Variants in ZNG1F observed in about 807,000 individuals in gnomAD.
ZNG1F encodes Zn regulated GTPase metalloprotein activator 1F, also known as zinc-regulated GTPase metalloprotein activator 1F.
chr9:41,137,184 G>T, the ZNG1F span, among the ~76,000 whole-genome samples: 61 of 147,314 alleles, frequency 4.1e-4, no homozygotes, highest in South Asian at 0.013. Flanking sequence ...TGTCACTATT[G>T]TCATTCAGTT....
At chr9:41,169,773 A>G in the ZNG1F span, among the ~76,000 whole-genome samples, 1 of 148,478 alleles carries the variant, frequency 6.7e-6, no homozygotes, top group Admixed American at 6.8e-5. Flanking sequence ...GAGGTGATGG[A>G]TAATGTTTGA....
the ZNG1F span, among the ~76,000 whole-genome samples, chr9:41,150,550 C>A: frequency 9.0e-6 from 1 of 110,882 alleles, no homozygotes; most frequent in Non-Finnish European, 1.9e-5. Context: ...ACAGCAGTAA[C>A]CTCTGCAGAC....
chr9:41,132,505 T>C, the ZNG1F span: 4 of 1,379,586 alleles, frequency 2.9e-6, no homozygotes, highest in East Asian at 5.2e-5. Flanking sequence ...ATTCCAATTA[T>C]TTGTGAATTA....
At chr9:41,175,197 T>C in the ZNG1F span, among the ~76,000 whole-genome samples, 2 of 148,352 alleles carry the variant, frequency 1.3e-5, no homozygotes, top group African/African-American at 5.1e-5. Flanking sequence ...CAAGCATCAC[T>C]CTGTGTCAAC....
At chr9:41,203,355 C>T in the ZNG1F span, among the ~76,000 whole-genome samples, 1 of 152,108 alleles carries the variant, frequency 6.6e-6, no homozygotes, top group Non-Finnish European at 1.5e-5. Flanking sequence ...AACTTAGCCA[C>T]TCATTTAAGT....
chr9:41,139,547 A>C, the ZNG1F span, among the ~76,000 whole-genome samples: 1 of 149,866 alleles, frequency 6.7e-6, no homozygotes, highest in African/African-American at 2.5e-5. Flanking sequence ...GCCCAAAAAC[A>C]TGAGATATTT....
At chr9:41,199,659 T>A in the ZNG1F span, among the ~76,000 whole-genome samples, 1 of 150,566 alleles carries the variant, frequency 6.6e-6, no homozygotes, top group African/African-American at 2.4e-5. Context: ...GGTGCCCCAG[T>A]AGGGACTCTG....
At chr9:41,157,504 C>A in the ZNG1F span, 24 of 142,670 alleles carry the variant, frequency 1.7e-4, no homozygotes, top group African/African-American at 5.5e-4. Flanking sequence ...ACAGTGATTT[C>A]TCATAATCAA....
At chr9:41,187,581 AT>A in the ZNG1F span, among the ~76,000 whole-genome samples, 9 of 149,712 alleles carry the variant, frequency 6.0e-5, no homozygotes, top group Non-Finnish European at 1.2e-4. Context: ...TCAGATTGAC[AT>A]TTATAAAGAT....
chr9:41,181,109 AAGTT>A, the ZNG1F span, among the ~76,000 whole-genome samples: 20 of 83,408 alleles, frequency 2.4e-4, no homozygotes, highest in African/African-American at 9.4e-4. Flanking sequence ...ATTGTAAAGA[AAGTT>A]AGAAGCAAGA....
At chr9:41,195,580 A>C in the ZNG1F span, among the ~76,000 whole-genome samples, 1 of 144,754 alleles carries the variant, frequency 6.9e-6, no homozygotes, top group Non-Finnish European at 1.5e-5. Flanking sequence ...GTCACTTGTA[A>C]GTCAGCTTGC....
At chr9:41,144,631 A>G in the ZNG1F span, among the ~76,000 whole-genome samples, 8 of 148,420 alleles carry the variant, frequency 5.4e-5, no homozygotes, top group Non-Finnish European at 1.2e-4. Flanking sequence ...GAGAGAGAGG[A>G]AGGAAGATTA....
At chr9:41,139,798 C>A in the ZNG1F span, among the ~76,000 whole-genome samples, 2 of 151,100 alleles carry the variant, frequency 1.3e-5, no homozygotes, top group African/African-American at 4.9e-5. Flanking sequence ...TAAAAAAAAT[C>A]CTGTCATATA....
the ZNG1F span, among the ~76,000 whole-genome samples, chr9:41,144,623 G>C: frequency 6.7e-6 from 1 of 148,384 alleles, no homozygotes; most frequent in African/African-American, 2.5e-5. Flanking sequence ...GATCACTTGA[G>C]AGAGAGGAAG....
chr9:41,154,876 T>A, the ZNG1F span, among the ~76,000 whole-genome samples: 5 of 121,538 alleles, frequency 4.1e-5, no homozygotes, highest in Non-Finnish European at 9.1e-5. Context: ...AAGACTTAAA[T>A]GTTAGACCTA....
the ZNG1F span, among the ~76,000 whole-genome samples, chr9:41,154,803 G>T: frequency 6.7e-6 from 1 of 150,240 alleles, no homozygotes; most frequent in Admixed American, 6.7e-5. Flanking sequence ...CTAGCCATAT[G>T]TCGAAAGCTG....
At chr9:41,172,062 C>T in the ZNG1F span, 1 of 66,352 alleles carries the variant, frequency 1.5e-5, no homozygotes, top group Non-Finnish European at 2.5e-5. Context: ...CAAAAACATT[C>T]ATAGCAGGAT....
chr9:41,146,327 C>A, the ZNG1F span, among the ~76,000 whole-genome samples: 2 of 9,928 alleles, frequency 2.0e-4, no homozygotes, highest in Non-Finnish European at 6.1e-4. Flanking sequence ...AAAAACATTT[C>A]AAAAAATCAT....
the ZNG1F span, among the ~76,000 whole-genome samples, chr9:41,200,712 T>C: frequency 7.2e-5 from 11 of 152,322 alleles, no homozygotes; most frequent in South Asian, 2.3e-3. Context: ...TTATTGGACT[T>C]ACGGTTCCAC....
Sources: allele counts gnomAD v4.1 joint callset (sites outside exome capture counted in the v4.1 genomes callset), GRCh38; gene constraint gnomAD v4.1.1; transcripts MANE v1.5; gene names NCBI Gene and HGNC (gene_info 2026-07-23, HGNC 2026-07-21).